TAFA1: variants seen among roughly 807,000 people sequenced by gnomAD.
TAFA1 encodes TAFA chemokine like family member 1, also known as chemokine-like protein TAFA-1.
A neutral mutation model predicts 18.5 loss-of-function variants in TAFA1; 4 were observed. That is an observed-to-expected ratio of 0.22 (90% confidence interval 0.11 to 0.49). TAFA1 has a LOEUF of 0.49. TAFA1 is among the 20% of genes least tolerant of loss of function. The pLI is 0.98. For missense variants in TAFA1, 147 were observed against 169.0 expected (o/e 0.87, Z 0.72); for synonymous variants, 56 against 55.2 (o/e 1.01, Z -0.06).
At chr3:68,486,190 C>T (rs1214581050) in intron 3 of TAFA1, among the ~76,000 whole-genome samples, 3 of 150,862 alleles carry the variant, frequency 2.0e-5, no homozygotes, top group Non-Finnish European at 4.4e-5. Flanking sequence ...TGATCTCAAA[C>T]TTCTGGGCTC....
intron 2 of TAFA1, among the ~76,000 whole-genome samples, chr3:68,130,453 G>A (rs1344610993): frequency 6.6e-6 from 1 of 152,096 alleles, no homozygotes; most frequent in Non-Finnish European, 1.5e-5. Context: ...GGCTTCCACA[G>A]CAGTCTCCCA....
At chr3:68,230,256 TC>T (rs1450654946) in intron 2 of TAFA1, among the ~76,000 whole-genome samples, 1 of 151,720 alleles carries the variant, frequency 6.6e-6, no homozygotes, top group African/African-American at 2.4e-5. Flanking sequence ...CCTCTCTTTA[TC>T]CCCCCCTGCA....
chr3:68,542,116 C>T (rs976470937), intron 4 of TAFA1, among the ~76,000 whole-genome samples: 5 of 152,086 alleles, frequency 3.3e-5, no homozygotes, highest in Non-Finnish European at 7.4e-5. Flanking sequence ...CCTTTTCTTT[C>T]AGGAGATTTG....
intron 2 of TAFA1, among the ~76,000 whole-genome samples, chr3:68,133,722 C>G (rs567372902): frequency 6.6e-6 from 1 of 151,900 alleles, no homozygotes; most frequent in East Asian, 1.9e-4. Flanking sequence ...GATTTTGTAT[C>G]CAAACCCCAA....
At chr3:68,313,219 G>A (rs1163395722) in intron 2 of TAFA1, among the ~76,000 whole-genome samples, 4 of 152,174 alleles carry the variant, frequency 2.6e-5, no homozygotes, top group Non-Finnish European at 5.9e-5. Context: ...CATTAATGTT[G>A]CTTAAAACAT....
At chr3:68,062,784 T>A (rs2064621134) in intron 2 of TAFA1, among the ~76,000 whole-genome samples, 1 of 152,210 alleles carries the variant, frequency 6.6e-6, no homozygotes, top group Non-Finnish European at 1.5e-5. Context: ...GAGATAACCA[T>A]AACGAAGAAG....
At chr3:68,325,424 GTGT>G (rs1213328462) in intron 2 of TAFA1, among the ~76,000 whole-genome samples, 2 of 152,100 alleles carry the variant, frequency 1.3e-5, no homozygotes, top group African/African-American at 4.8e-5. Context: ...ACATTTCAGA[GTGT>G]TGTGATGATT....
chr3:68,036,422 G>C (rs1334109738), intron 2 of TAFA1, among the ~76,000 whole-genome samples: 1 of 122,436 alleles, frequency 8.2e-6, no homozygotes, highest in African/African-American at 3.2e-5. Context: ...CTTGGCGACA[G>C]AGTGAGACTC....
intron 2 of TAFA1, among the ~76,000 whole-genome samples, chr3:68,073,449 C>T (rs1458752421): frequency 2.0e-5 from 3 of 152,192 alleles, no homozygotes; most frequent in African/African-American, 4.8e-5. Context: ...TGTCCCCCAC[C>T]TCCTAACTCT....
chr3:68,381,789 C>A (rs1297242862), intron 2 of TAFA1, among the ~76,000 whole-genome samples: 1 of 152,122 alleles, frequency 6.6e-6, no homozygotes, highest in Admixed American at 6.5e-5. Flanking sequence ...TTGCCCTGGC[C>A]AGAACTTCCA....
At chr3:68,099,745 A>T (rs1211115955) in intron 2 of TAFA1, among the ~76,000 whole-genome samples, 1 of 152,136 alleles carries the variant, frequency 6.6e-6, no homozygotes, top group Non-Finnish European at 1.5e-5. Context: ...TATAATCAAC[A>T]TAGGTACCCA....
intron 3 of TAFA1, among the ~76,000 whole-genome samples, chr3:68,497,404 T>C (rs1024410443): frequency 1.4e-4 from 21 of 152,152 alleles, no homozygotes; most frequent in Admixed American, 9.8e-4. Flanking sequence ...GACACACCTA[T>C]GACTGTGCAC....
chr3:68,541,763 G>A (rs369507982), intron 4 of TAFA1, among the ~76,000 whole-genome samples: 15 of 152,050 alleles, frequency 9.9e-5, no homozygotes, highest in African/African-American at 3.1e-4. Context: ...GATAATCCAG[G>A]GAAAGGTTCC....
chr3:68,216,737 C>A (rs1159298393), intron 2 of TAFA1, among the ~76,000 whole-genome samples: 1 of 151,782 alleles, frequency 6.6e-6, no homozygotes, highest in Non-Finnish European at 1.5e-5. Flanking sequence ...TACCAGTAAG[C>A]AAGAAAAGGC....
the TAFA1 span, among the ~76,000 whole-genome samples, chr3:67,992,381 A>G: frequency 5.9e-5 from 9 of 152,380 alleles, no homozygotes; most frequent in Admixed American, 2.6e-4. Flanking sequence ...TATGCAGTCA[A>G]TCAATGGTAT....
chr3:68,399,786 A>G (rs1029045690), intron 2 of TAFA1, among the ~76,000 whole-genome samples: 3 of 152,276 alleles, frequency 2.0e-5, no homozygotes, highest in African/African-American at 7.2e-5. Context: ...CTAAAACTTA[A>G]TTCTAAATGA....
At chr3:68,047,881 G>A (rs901164760) in intron 2 of TAFA1, among the ~76,000 whole-genome samples, 1 of 152,114 alleles carries the variant, frequency 6.6e-6, no homozygotes, top group East Asian at 1.9e-4. Flanking sequence ...ACTCTCCTAC[G>A]AGAGAGGGAG....
At position 68,256,545 on chromosome 3, in the gene TAFA1, A is replaced by G. The variant is rs115461152; in HGVS notation, c.119-160735A>G. On this transcript the variant is annotated intron_variant, in intron 2 of 4. Coordinates refer to ENST00000478136, the MANE Select transcript of TAFA1 (RefSeq NM_213609.4). ...GATGTTACTCTCAGGTGCCCACCCT[A>G]AGAGAGAAAGGTGTCATTGAAAGAA... Among the ~76,000 whole-genome samples the G allele has an allele frequency of 7.7e-3, 1,171 of 152,238 alleles. 19 individuals carry two copies. The highest frequency in any genetic ancestry group is 0.027 in the African/African-American group (1,112 of 41,536).
chr3:68,444,731 A>G (rs1575873260), intron 3 of TAFA1, among the ~76,000 whole-genome samples: 1 of 149,084 alleles, frequency 6.7e-6, no homozygotes, highest in South Asian at 2.1e-4. Flanking sequence ...CAGGAGTTTT[A>G]GACCAGCCTG....
Sources: allele counts gnomAD v4.1 joint callset (sites outside exome capture counted in the v4.1 genomes callset), GRCh38; gene constraint gnomAD v4.1.1; transcripts MANE v1.5; gene names NCBI Gene and HGNC (gene_info 2026-07-23, HGNC 2026-07-21).